Variants in ADGRL3 observed in about 807,000 individuals in gnomAD.
ADGRL3 encodes the protein calcium-independent alpha-latrotoxin receptor 3.
In ADGRL3, 62 loss-of-function variants were observed where a neutral mutation model predicts 153.5. The ratio of observed to expected loss-of-function variants is 0.40; its 90% CI spans 0.33 to 0.50. ADGRL3 has a LOEUF of 0.50. Ranked by LOEUF, ADGRL3 falls within the 20% of genes least tolerant of loss-of-function variation. ADGRL3 has a pLI of 0.47. For synonymous variants in ADGRL3, 710 were observed against 672.5 expected (o/e 1.06, Z -0.86); for missense variants, 1,641 against 1,859.4 (o/e 0.88, Z 2.16).
intron 6 of ADGRL3, among the ~76,000 whole-genome samples, chr4:61,710,008 G>C (rs1346445655): frequency 6.6e-6 from 1 of 152,172 alleles, no homozygotes; most frequent in Non-Finnish European, 1.5e-5. Context: ...TAGTCATGCT[G>C]ATTTTGTTAA....
chr4:61,571,057 G>T (rs2098836553), intron 4 of ADGRL3, among the ~76,000 whole-genome samples: 1 of 151,952 alleles, frequency 6.6e-6, no homozygotes, highest in African/African-American at 2.4e-5. Flanking sequence ...AAAGATATTT[G>T]CAAATAGTAA....
At chr4:61,882,806 C>T (rs2098516206) in intron 9 of ADGRL3, among the ~76,000 whole-genome samples, 2 of 152,162 alleles carry the variant, frequency 1.3e-5, no homozygotes, top group Non-Finnish European at 2.9e-5. Flanking sequence ...CTATGCTTGA[C>T]ACCCACTTAA....
At chr4:61,534,852 A>C (rs2098645312) in intron 4 of ADGRL3, among the ~76,000 whole-genome samples, 1 of 151,884 alleles carries the variant, frequency 6.6e-6, no homozygotes, top group African/African-American at 2.4e-5. Context: ...AAGAGTCTTT[A>C]AGATTTTATA....
intron 8 of ADGRL3, among the ~76,000 whole-genome samples, chr4:61,790,458 TAAA>T (rs1353225717): frequency 1.3e-5 from 2 of 152,178 alleles, no homozygotes; most frequent in South Asian, 2.1e-4. Flanking sequence ...ATACATATAA[TAAA>T]GTTTAATTTT....
intron 8 of ADGRL3, among the ~76,000 whole-genome samples, chr4:61,785,958 G>A (rs1188338472): frequency 1.3e-5 from 2 of 152,184 alleles, no homozygotes; most frequent in East Asian, 3.9e-4. Context: ...AGGTTGCAGT[G>A]AGCCAAGATC....
chr4:61,814,814 G>A (rs1005596608), intron 9 of ADGRL3, among the ~76,000 whole-genome samples: 4 of 152,006 alleles, frequency 2.6e-5, no homozygotes, highest in African/African-American at 9.7e-5. Flanking sequence ...CCCTGACTGT[G>A]TGATAGGGTG....
chr4:62,057,016 G>A (rs1737385850), intron 25 of ADGRL3, among the ~76,000 whole-genome samples: 1 of 151,968 alleles, frequency 6.6e-6, no homozygotes. Context: ...AAGAATGTAA[G>A]TGCATTAAAA....
chr4:61,222,573 CAAA>C (rs2149044236), intron 1 of ADGRL3, among the ~76,000 whole-genome samples: 1 of 152,004 alleles, frequency 6.6e-6, no homozygotes, highest in African/African-American at 2.4e-5. Context: ...CAAAACAAAA[CAAA>C]ATAAGGCATA....
At chr4:61,236,910 T>TA (rs1753069661) in intron 1 of ADGRL3, among the ~76,000 whole-genome samples, 1 of 152,200 alleles carries the variant, frequency 6.6e-6, no homozygotes, top group Admixed American at 6.6e-5. Flanking sequence ...CCTTTTTAGA[T>TA]AAACAAGGCT....
intron 4 of ADGRL3, among the ~76,000 whole-genome samples, chr4:61,533,911 AG>A (rs1177210622): frequency 1.3e-5 from 2 of 152,066 alleles, no homozygotes; most frequent in African/African-American, 4.8e-5. Context: ...ATTTTATTTC[AG>A]ATTCAGGGGA....
At chr4:61,211,686 C>A (rs765641199) in intron 1 of ADGRL3, 2 of 152,160 alleles carry the variant, frequency 1.3e-5, no homozygotes, top group African/African-American at 2.4e-5. Context: ...CAAAACCCAA[C>A]AAAATTATGC....
At chr4:61,939,279 T>G (rs184894686) in intron 15 of ADGRL3, among the ~76,000 whole-genome samples, 1 of 152,296 alleles carries the variant, frequency 6.6e-6, no homozygotes, top group East Asian at 1.9e-4. Flanking sequence ...TACATTTAGC[T>G]TGAGGAAGCA....
intron 8 of ADGRL3, among the ~76,000 whole-genome samples, chr4:61,812,917 T>C (rs550956370): frequency 6.6e-6 from 1 of 152,258 alleles, no homozygotes; most frequent in African/African-American, 2.4e-5. Flanking sequence ...TTAAATACAG[T>C]AGGAATACTT....
chr4:61,810,152 C>T (rs2097595221), intron 8 of ADGRL3, among the ~76,000 whole-genome samples: 1 of 152,030 alleles, frequency 6.6e-6, no homozygotes. Flanking sequence ...AAATAAATAG[C>T]TCTCAATATT....
intron 19 of ADGRL3, among the ~76,000 whole-genome samples, chr4:61,993,796 T>G (rs1177295644): frequency 6.6e-6 from 1 of 152,020 alleles, no homozygotes; most frequent in African/African-American, 2.4e-5. Flanking sequence ...TAGCCTATGG[T>G]CAGAATGAAG....
intron 17 of ADGRL3, among the ~76,000 whole-genome samples, chr4:61,951,100 A>T (rs570645881): frequency 3.9e-5 from 6 of 152,268 alleles, no homozygotes; most frequent in African/African-American, 1.4e-4. Flanking sequence ...CTTGTGCTTG[A>T]ATCAGGACAA....
At position 62,056,611 on chromosome 4, in the gene ADGRL3, T is replaced by G. The variant is rs532412199; in HGVS notation, c.3815-11555T>G. Among the ~76,000 whole-genome samples the G allele has an allele frequency of 1.1e-4, 16 of 152,138 alleles. No homozygotes were observed. In the South Asian group the frequency reaches 2.3e-3, roughly 22 times the overall value. ...AAGATACAACCATTAGAAAGACTGT[T>G]TTTACTTGTTAAAAAATGAAGTCTC... On this transcript the variant is annotated intron_variant, in intron 25 of 26. Coordinates refer to ENST00000683033, the MANE Select transcript of ADGRL3 (RefSeq NM_001387552.1).
intron 9 of ADGRL3, among the ~76,000 whole-genome samples, chr4:61,861,707 A>G (rs942630161): frequency 5.3e-5 from 8 of 152,068 alleles, no homozygotes; most frequent in African/African-American, 1.7e-4. Flanking sequence ...AGGGCATAGT[A>G]GGATTGGTTT....
intron 8 of ADGRL3, among the ~76,000 whole-genome samples, chr4:61,756,606 T>C (rs2096834337): frequency 6.6e-6 from 1 of 152,214 alleles, no homozygotes; most frequent in Admixed American, 6.5e-5. Context: ...TTGAATACCC[T>C]TTATTTCTTT....
Sources: allele counts gnomAD v4.1 joint callset (sites outside exome capture counted in the v4.1 genomes callset), GRCh38; gene constraint gnomAD v4.1.1; transcripts MANE v1.5; gene names NCBI Gene and HGNC (gene_info 2026-07-23, HGNC 2026-07-21).